RBM33: variants seen among roughly 807,000 people sequenced by gnomAD.
RBM33 encodes RNA binding motif protein 33.
A neutral mutation model predicts 132.6 loss-of-function variants in RBM33; 28 were observed. The observed-to-expected ratio is 0.21, with a 90% CI of 0.16 to 0.29. The LOEUF (loss-of-function observed/expected upper bound fraction) is 0.29. Ranked by LOEUF, RBM33 falls within the 10% of genes least tolerant of loss-of-function variation. The probability of loss-of-function intolerance (pLI) is 1.00; values close to 1 mark genes in which losing one functional copy is unlikely to be tolerated. For missense variants in RBM33, 1,291 were observed against 1,518.5 expected (o/e 0.85, Z 2.49); for synonymous variants, 634 against 593.0 (o/e 1.07, Z -1.01).
intron 10 of RBM33, 113 bp from the exon 11 acceptor site, chr7:155,737,947 A>T (rs1801182829): frequency 8.1e-6 from 8 of 982,812 alleles, no homozygotes; most frequent in Non-Finnish European, 1.1e-5. Flanking sequence ...CAACATTCAT[A>T]ACCTGTCAAC....
rs147058552 is a variant in RBM33, at chr7:155,755,770, A to G, written c.2980-8042A>G. Among the ~76,000 whole-genome samples, 1,136 of 152,328 alleles carry G rather than the reference A, an allele frequency of 7.5e-3. 8 individuals carry two copies. Among genetic ancestry groups the G allele is most frequent in the Non-Finnish European group, 0.01 (713 of 68,024 alleles). On this transcript the variant is annotated intron_variant, in intron 14 of 17. Coordinates refer to ENST00000401878, the MANE Select transcript of RBM33 (RefSeq NM_053043.3). ...AGTAGGTGTTTTTATCTATGCATTT[A>G]AACGATTTGTTATAAATAAATTTGT... is the stretch of plus-strand genomic sequence containing the variant.
At chr7:155,738,637 T>C (rs922192730) in intron 11 of RBM33, 14 of 547,880 alleles carry the variant, frequency 2.6e-5, no homozygotes, top group African/African-American at 2.5e-4. Context: ...ATGCTACTTA[T>C]TATAATTGTT....
At position 155,705,409 on chromosome 7, in the gene RBM33, A is replaced by T. The variant is rs533824212; in HGVS notation, c.740-1451A>T. Among the ~76,000 whole-genome samples, 4 of 152,354 alleles carry T rather than the reference A, an allele frequency of 2.6e-5. No homozygotes were observed. The East Asian group carries it at 7.7e-4, about 29-fold the overall frequency. On this transcript the variant is annotated intron_variant, in intron 6 of 17. Transcript: ENST00000401878. ...GAACTAATCATGTAGTCAAGATTAG[A>T]ATAAAAGTCTATGCTGGTTAAGAAG... is the stretch of plus-strand genomic sequence containing the variant.
At chr7:155,694,939 G>A (rs1362291939) in intron 5 of RBM33, among the ~76,000 whole-genome samples, 1 of 152,136 alleles carries the variant, frequency 6.6e-6, no homozygotes, top group African/African-American at 2.4e-5. Flanking sequence ...TGCTGAGACG[G>A]TCTAGAGGTA....
chr7:155,729,245 CCCACCAGGT>C (rs1254236672), intron 9 of RBM33, among the ~76,000 whole-genome samples: 1 of 152,092 alleles, frequency 6.6e-6, no homozygotes, highest in East Asian at 1.9e-4. Flanking sequence ...CCAGTCACCA[CCCACCAGGT>C]CCCTCCCTCC....
intron 16 of RBM33, among the ~76,000 whole-genome samples, chr7:155,771,250 C>T (rs1003039530): frequency 5.9e-5 from 9 of 152,190 alleles, no homozygotes; most frequent in Non-Finnish European, 1.0e-4. Context: ...AGCTGGCGAC[C>T]ATGTCTTTAA....
chr7:155,711,480 A>G (rs1585473019), intron 8 of RBM33, 25 bp downstream of exon 8: 3 of 1,366,014 alleles, frequency 2.2e-6, no homozygotes, highest in African/African-American at 1.5e-5. Context: ...TTACTATTGT[A>G]AAGCATAGAT....
intron 8 of RBM33, among the ~76,000 whole-genome samples, chr7:155,717,737 A>G (rs1378035146): frequency 6.6e-6 from 1 of 152,204 alleles, no homozygotes; most frequent in Non-Finnish European, 1.5e-5. Flanking sequence ...AAGGTGTGAA[A>G]CTTACATCTA....
chr7:155,714,656 C>A (rs930452291), intron 8 of RBM33, among the ~76,000 whole-genome samples: 8 of 152,158 alleles, frequency 5.3e-5, no homozygotes, highest in Admixed American at 4.6e-4. Context: ...GGGAGAACAG[C>A]TGCCACTCAG....
intron 5 of RBM33, among the ~76,000 whole-genome samples, chr7:155,681,629 G>C (rs191607919): frequency 1.3e-5 from 2 of 152,250 alleles, no homozygotes; most frequent in East Asian, 3.9e-4. Flanking sequence ...GATCTCAGTA[G>C]CTGTAGTAGA....
chr7:155,720,438 G>A (rs939896237), intron 9 of RBM33, among the ~76,000 whole-genome samples: 1 of 152,186 alleles, frequency 6.6e-6, no homozygotes, highest in African/African-American at 2.4e-5. Context: ...TGTTGGGAAG[G>A]AAAATAAACT....
At chr7:155,700,093 A>G (rs960252662) in intron 5 of RBM33, among the ~76,000 whole-genome samples, 8 of 152,184 alleles carry the variant, frequency 5.3e-5, no homozygotes, top group African/African-American at 1.9e-4. Flanking sequence ...GTTAGGGAAA[A>G]TTTTTGTAGG....
chr7:155,763,281 T>C (rs897329136), intron 14 of RBM33, among the ~76,000 whole-genome samples: 1 of 152,124 alleles, frequency 6.6e-6, no homozygotes, highest in Non-Finnish European at 1.5e-5. Flanking sequence ...GAGGTCAGAG[T>C]ATTTGAAGTT....
Position 155,708,426 on chromosome 7 carries a change from A to G in RBM33, c.948+1358A>G, listed in dbSNP as rs944386612. ...ATTATTTTGGCCTCTTTCGGGGCCA[A>G]ACAACTCTCATACGAGGCCAGTGTT... On this transcript the variant is annotated intron_variant, in intron 7 of 17. Coordinates refer to ENST00000401878, the MANE Select transcript of RBM33 (RefSeq NM_053043.3). Among the ~76,000 whole-genome samples, 11 of 152,314 alleles carry G rather than the reference A, an allele frequency of 7.2e-5. No individual in the cohort carries two copies. The South Asian group carries it at 1.2e-3, about 17-fold the overall frequency.
intron 16 of RBM33, among the ~76,000 whole-genome samples, chr7:155,771,976 G>A (rs940947783): frequency 1.3e-5 from 2 of 152,120 alleles, no homozygotes; most frequent in East Asian, 3.9e-4. Flanking sequence ...GATTCTATCT[G>A]TGAATTGCAG....
At chr7:155,677,943 A>T (rs1368111377) in intron 3 of RBM33, among the ~76,000 whole-genome samples, 1 of 152,184 alleles carries the variant, frequency 6.6e-6, no homozygotes, top group Non-Finnish European at 1.5e-5. Flanking sequence ...AGTGTGAATA[A>T]GTAGTGAGAC....
intron 9 of RBM33, among the ~76,000 whole-genome samples, chr7:155,728,187 G>A (rs1297156850): frequency 1.3e-5 from 2 of 151,930 alleles, no homozygotes; most frequent in Non-Finnish European, 2.9e-5. Context: ...GCTGATATGC[G>A]GGCATTTGTC....
intron 14 of RBM33, among the ~76,000 whole-genome samples, chr7:155,761,429 A>G (rs779158923): frequency 2.6e-5 from 4 of 151,982 alleles, no homozygotes; most frequent in Non-Finnish European, 4.4e-5. Context: ...TGGTGAAGCT[A>G]TTTGGGTCTT....
At chr7:155,674,817 G>T (rs1373252669) in intron 3 of RBM33, among the ~76,000 whole-genome samples, 1 of 152,082 alleles carries the variant, frequency 6.6e-6, no homozygotes, top group Non-Finnish European at 1.5e-5. Context: ...TTGGAAGTGT[G>T]TTTACTTTGG....
Sources: allele counts gnomAD v4.1 joint callset (sites outside exome capture counted in the v4.1 genomes callset), GRCh38; gene constraint gnomAD v4.1.1; transcripts MANE v1.5; gene names NCBI Gene and HGNC (gene_info 2026-07-23, HGNC 2026-07-21).